Variants in PHKA1 observed in about 807,000 individuals in gnomAD.
PHKA1 encodes the protein phosphorylase kinase regulatory subunit alpha 1.
PHKA1 carries 60 observed loss-of-function variants against 110.2 expected under a neutral mutation model. The ratio of observed to expected loss-of-function variants is 0.54; its 90% CI spans 0.44 to 0.68. The LOEUF (loss-of-function observed/expected upper bound fraction) is 0.68. Ranked by LOEUF, PHKA1 falls within the 30% of genes least tolerant of loss-of-function variation. The pLI is 0.00. For synonymous variants in PHKA1, 316 were observed against 333.6 expected (o/e 0.95, Z 0.58); for missense variants, 801 against 942.5 (o/e 0.85, Z 1.97).
chrX:72,697,971 G>A (rs1038625709), intron 3 of PHKA1, among the ~76,000 whole-genome samples: 1 of 105,807 alleles, frequency 9.5e-6, no homozygotes, highest in Non-Finnish European at 1.9e-5. Context: ...GTGACAGAGC[G>A]AGACTCTGTC....
intron 5 of PHKA1, among the ~76,000 whole-genome samples, chrX:72,678,201 TGA>T (rs1345306156): frequency 8.9e-6 from 1 of 111,759 alleles, no homozygotes; most frequent in Non-Finnish European, 1.9e-5. Context: ...GATCAGAAAA[TGA>T]GAGTCAGAAT....
chrX:72,631,439 G>A (rs1371212902), intron 16 of PHKA1, among the ~76,000 whole-genome samples: 1 of 110,759 alleles, frequency 9.0e-6, no homozygotes, highest in East Asian at 2.8e-4. Context: ...TCAGAGCTGT[G>A]CAAGCGTGGA....
chrX:72,601,394 T>C lies in PHKA1; in HGVS notation c.3072+597A>G, dbSNP rs188608020. ...AATACAACATAATCAAGTGGGAATT[T>C]ATAGCCAAGTGGTGGAAAATTACTA... On this transcript the variant is annotated intron_variant, in intron 28 of 31. Transcript: ENST00000373542. Among the ~76,000 whole-genome samples the C allele has an allele frequency of 2.9e-3, 319 of 111,336 alleles. 2 individuals carry two copies. The highest frequency in any genetic ancestry group is 3.8e-3 in the Non-Finnish European group (201 of 52,978).
At position 72,634,175 on chromosome X, in the gene PHKA1, G is replaced by A. The variant is rs1161858836; in HGVS notation, c.1714+980C>T. Among the ~76,000 whole-genome samples, 6 of 111,568 alleles carry A rather than the reference G, an allele frequency of 5.4e-5. No individual in the cohort carries two copies. In the East Asian group the frequency reaches 1.1e-3, roughly 21 times the overall value. On this transcript the variant is annotated intron_variant, in intron 16 of 31. Coordinates refer to ENST00000373542, the MANE Select transcript of PHKA1 (RefSeq NM_002637.4). ...TATCATTCTTGCATATTAGCTTTTC[G>A]TCTCCAATTAGACTTTATACTTTCT...
intron 28 of PHKA1, among the ~76,000 whole-genome samples, chrX:72,601,431 T>A (rs782187398): frequency 9.0e-6 from 1 of 111,069 alleles, no homozygotes; most frequent in Non-Finnish European, 1.9e-5. Context: ...GAGGGAAACA[T>A]CAGAGGTAGG....
intron 14 of PHKA1, among the ~76,000 whole-genome samples, chrX:72,639,260 G>A (rs2060941923): frequency 8.9e-6 from 1 of 112,007 alleles, no homozygotes; most frequent in African/African-American, 3.3e-5. Flanking sequence ...TGGGCTGGGT[G>A]CAGTGGTTCA....
At chrX:72,586,338 C>G (rs2052429925) in intron 29 of PHKA1, among the ~76,000 whole-genome samples, 2 of 112,406 alleles carry the variant, frequency 1.8e-5, no homozygotes, top group African/African-American at 6.5e-5. Flanking sequence ...GCTGAGAGAC[C>G]TGACTGCAAG....
rs781787049 is a variant in PHKA1, at chrX:72,623,118, T to C, written c.1951A>G (p.Thr651Ala). 1 of 1,211,037 alleles carries C rather than the reference T, an allele frequency of 8.3e-7. No homozygotes were observed. The highest frequency in any genetic ancestry group is 3.0e-5 in the East Asian group (1 of 33,834). ...SGNWMNDYDS[T>A]SHARCGDEVA... ...TATGAAGCCTCCTTACCATGACTGG[T>C]TGAATCATAATCATTCATCCAGTTG... is the stretch of plus-strand genomic sequence containing the variant. Residue 651 changes from threonine (T) to alanine (A), a missense_variant, in exon 18 of 32, where the codon ACC becomes GCC. Thr to Ala is a moderately conservative substitution (Grantham distance 58). This residue lies in a region of PHKA1 where 502 missense variants were observed against 519.2 expected (regional missense o/e 0.97). Coordinates refer to ENST00000373542, the MANE Select transcript of PHKA1 (RefSeq NM_002637.4).
chrX:72,586,743 T>C (rs1358563934), intron 29 of PHKA1, among the ~76,000 whole-genome samples: 1 of 110,041 alleles, frequency 9.1e-6, no homozygotes, highest in Non-Finnish European at 1.9e-5. Flanking sequence ...TTAAGTGACC[T>C]GATGGAGCTG....
At chrX:72,635,935 A>G (rs1014516239) in intron 15 of PHKA1, among the ~76,000 whole-genome samples, 30 of 112,078 alleles carry the variant, frequency 2.7e-4, no homozygotes, top group Non-Finnish European at 2.3e-4. Context: ...AACATAATTT[A>G]GTAGCTGAAT....
intron 4 of PHKA1, among the ~76,000 whole-genome samples, chrX:72,687,054 G>GT (rs2147813248): frequency 9.0e-6 from 1 of 111,634 alleles, no homozygotes; most frequent in African/African-American, 3.2e-5. Flanking sequence ...TTAATTTCCA[G>GT]TTTTTTATTA....
chrX:72,701,203 C>G (rs1014407193), intron 3 of PHKA1, among the ~76,000 whole-genome samples: 5 of 112,051 alleles, frequency 4.5e-5, no homozygotes, highest in African/African-American at 1.3e-4. Flanking sequence ...TTTAAAGAAT[C>G]AAACTTGACT....
intron 2 of PHKA1, chrX:72,712,408 A>C (rs1212867135): frequency 1.5e-5 from 3 of 206,877 alleles, no homozygotes; most frequent in African/African-American, 8.7e-5. Context: ...TTAAAAATGA[A>C]ATAAAATAGT....
At chrX:72,647,853 G>C (rs782289845) in intron 13 of PHKA1, among the ~76,000 whole-genome samples, 1 of 111,839 alleles carries the variant, frequency 8.9e-6, no homozygotes, top group East Asian at 2.8e-4. Flanking sequence ...CAAAGAAGAA[G>C]AGGAAGACCA....
intron 26 of PHKA1, among the ~76,000 whole-genome samples, chrX:72,602,646 C>T (rs2052672927): frequency 8.9e-6 from 1 of 112,048 alleles, no homozygotes; most frequent in African/African-American, 3.2e-5. Flanking sequence ...TTTTCATTTG[C>T]TCTGCTGCTT....
intron 6 of PHKA1, among the ~76,000 whole-genome samples, chrX:72,673,811 T>A (rs1317315866): frequency 9.0e-6 from 1 of 111,371 alleles, no homozygotes; most frequent in Admixed American, 9.5e-5. Context: ...ATTTGAAATT[T>A]TTTTTTATTA....
intron 8 of PHKA1, among the ~76,000 whole-genome samples, chrX:72,663,735 TG>T (rs1289683929): frequency 7.1e-5 from 6 of 84,700 alleles, no homozygotes; most frequent in Admixed American, 1.5e-4. Context: ...TTCTAAGAGC[TG>T]AAAAAAAAAA....
Position 72,580,964 on chromosome X carries a change from G to GC in PHKA1, c.*37dup. Reference sequence around the variant, plus strand: ...GCACAATCAACCGAGGCAGGGACCAGCTGTCAAAAGGCTCCCAGAAGCCAG... The same window carrying GC: ...GCACAATCAACCGAGGCAGGGACCAGCCTGTCAAAAGGCTCCCAGAAGCCAG... On this transcript the variant is annotated 3_prime_UTR_variant, in exon 32 of 32. Coordinates refer to ENST00000373542, the MANE Select transcript of PHKA1 (RefSeq NM_002637.4). The GC allele has an allele frequency of 1.7e-6, 2 of 1,165,591 alleles. No individual in the cohort carries two copies. Among genetic ancestry groups the GC allele is most frequent in the Non-Finnish European group, 1.2e-6 (1 of 855,554 alleles).
intron 29 of PHKA1, among the ~76,000 whole-genome samples, chrX:72,592,460 T>G (rs1391476843): frequency 2.7e-5 from 3 of 112,829 alleles, no homozygotes; most frequent in Non-Finnish European, 5.6e-5. Context: ...AATAGTGTTC[T>G]TGGCCCTCTA....
Sources: allele counts gnomAD v4.1 joint callset (sites outside exome capture counted in the v4.1 genomes callset), GRCh38; gene constraint gnomAD v4.1.1; regional missense constraint gnomAD v4.1.1; transcripts MANE v1.5; gene names NCBI Gene and HGNC (gene_info 2026-07-23, HGNC 2026-07-21).